The following CHD6 variants were observed in gnomAD, a reference collection of about 807,000 sequenced individuals.
The protein encoded by CHD6 is ATP-dependent chromatin remodeler CHD6.
CHD6 carries 50 observed loss-of-function variants against 276.9 expected under a neutral mutation model. The ratio of observed to expected loss-of-function variants is 0.18; its 90% CI spans 0.14 to 0.23. CHD6 has a LOEUF of 0.23. Among genes scored for constraint, CHD6 ranks in the 10% least tolerant of loss-of-function variants. The probability of loss-of-function intolerance (pLI) is 1.00; values close to 1 mark genes in which losing one functional copy is unlikely to be tolerated. For missense variants in CHD6, 2,564 were observed against 3,365.8 expected, an observed-to-expected ratio of 0.76 and a Z score of 5.89; for synonymous variants, 1,173 against 1,229.3, an observed-to-expected ratio of 0.95 and a Z score of 0.96.
chr20:41,403,426 A>G lies in CHD6; in HGVS notation c.*1167T>C, dbSNP rs957909580. 1.9e-6 allele frequency: 2 copies of G among 1,061,766 alleles called. No individual in the cohort carries two copies. Among genetic ancestry groups the G allele is most frequent in the Non-Finnish European group, 2.3e-6 (2 of 876,990 alleles). 65.8% of individuals were successfully genotyped at this position (1,061,766 alleles called of 1,614,324 possible). A position where few individuals can be genotyped will look rare whatever the true frequency, so the allele number is the denominator to read the frequency against. On this transcript the variant is annotated 3_prime_UTR_variant, in exon 37 of 37. Transcript: ENST00000373233. ...TTCCTAAACATGGAGAAGCTGAGGA[A>G]GAAGAGAAAATAATGTTGACTTGCA...
At chr20:41,591,517 T>G (rs1357854810) in intron 1 of CHD6, among the ~76,000 whole-genome samples, 1 of 150,546 alleles carries the variant, frequency 6.6e-6, no homozygotes. Context: ...ATGAAGAAAC[T>G]CCGTCTCTAC....
At chr20:41,611,274 A>G (rs1325725745) in intron 1 of CHD6, among the ~76,000 whole-genome samples, 1 of 152,240 alleles carries the variant, frequency 6.6e-6, no homozygotes, top group Admixed American at 6.5e-5. Flanking sequence ...CTTTGCTCCA[A>G]AAAGGGTAGA....
At chr20:41,525,521 C>T (rs1460875781) in intron 3 of CHD6, among the ~76,000 whole-genome samples, 1 of 152,194 alleles carries the variant, frequency 6.6e-6, no homozygotes, top group African/African-American at 2.4e-5. Context: ...CCAGTATGAT[C>T]CCACTGGACT....
At chr20:41,445,612 T>A in intron 25 of CHD6, 53 bp downstream of exon 25, 1 of 1,218,462 alleles carries the variant, frequency 8.2e-7, no homozygotes, top group South Asian at 1.2e-5. Context: ...GCTGAACTCA[T>A]CCTTCCTGGG....
rs762550689 is a variant in CHD6, at chr20:41,533,496, G to A, written c.108C>T (p.Ser36=). 2.5e-6 allele frequency: 4 copies of A among 1,613,864 alleles called. No homozygotes were observed. Among genetic ancestry groups the A allele is most frequent in the Non-Finnish European group, 3.4e-6 (4 of 1,179,952 alleles). ...CTTGATCAGTGCTGCAGTCAAATGG[G>A]GATGGAGATTTGTAGTCAAAATTGA... ...ASVNFDYKSP[S]PFDCSTDQEE... is the part of the protein sequence containing the mutation. Residue 36 remains serine, a synonymous_variant, in exon 3 of 37, where the codon TCC becomes TCT. Transcript: ENST00000373233.
rs1600771856 is a variant in CHD6 at position 41,403,646 on chromosome 20, C to A, written c.*947G>T. ...TGTTGGGCAACTGTCTTCTTGCAGG[C>A]TCCAGAAAGAACCTTATTCTTGGTG... On this transcript the variant is annotated 3_prime_UTR_variant, in exon 37 of 37. Transcript: ENST00000373233. 8 of 1,061,310 alleles carry A rather than the reference C, an allele frequency of 7.5e-6. No individual in the cohort carries two copies. Among genetic ancestry groups the A allele is most frequent in the Non-Finnish European group, 9.1e-6 (8 of 876,810 alleles). The allele number at this position is 1,061,310 out of a possible 1,614,324, so 65.7% of individuals were successfully genotyped here. A position where few individuals can be genotyped will look rare whatever the true frequency, so the allele number is the denominator to read the frequency against.
chr20:41,577,043 A>T (rs1466125547), intron 1 of CHD6, among the ~76,000 whole-genome samples: 1 of 152,220 alleles, frequency 6.6e-6, no homozygotes, highest in African/African-American at 2.4e-5. Flanking sequence ...AAACAGAATG[A>T]GGGACAGAAA....
Position 41,533,129 on chromosome 20 carries a change from CCCGGGGCTT to C in CHD6, c.466_474del (p.Lys156_Arg158del). On this transcript the variant is annotated inframe_deletion, in exon 3 of 37. Coordinates refer to ENST00000373233, the MANE Select transcript of CHD6 (RefSeq NM_032221.5). ...TTGGCCTCCTTGGTGCCCGAGGCCT[CCCGGGGCTT>C]CCGTGCCTTCTTTGCCCCATCTTTT... 1 of 1,614,198 alleles carries C rather than the reference CCCGGGGCTT, an allele frequency of 6.2e-7. No homozygotes were observed. The highest frequency in any genetic ancestry group is 8.5e-7 in the Non-Finnish European group (1 of 1,180,030).
intron 2 of CHD6, among the ~76,000 whole-genome samples, chr20:41,536,028 CT>C (rs1448422566): frequency 6.6e-6 from 1 of 151,830 alleles, no homozygotes; most frequent in African/African-American, 2.4e-5. Flanking sequence ...TTGTTGGGAG[CT>C]TTGAAAACAT....
At chr20:41,429,823 C>T (rs1174567490) in intron 27 of CHD6, among the ~76,000 whole-genome samples, 1 of 152,122 alleles carries the variant, frequency 6.6e-6, no homozygotes, top group African/African-American at 2.4e-5. Flanking sequence ...CATGAACTCC[C>T]CCCTGACAGC....
intron 1 of CHD6, among the ~76,000 whole-genome samples, chr20:41,561,138 C>A (rs1233207401): frequency 4.6e-5 from 7 of 152,094 alleles, no homozygotes; most frequent in Admixed American, 3.9e-4. Context: ...CAGCCATAGA[C>A]AAATATGCAA....
chr20:41,523,270 A>G (rs1343674744), intron 3 of CHD6, among the ~76,000 whole-genome samples: 2 of 152,186 alleles, frequency 1.3e-5, no homozygotes, highest in Non-Finnish European at 2.9e-5. Flanking sequence ...TAATACTCCC[A>G]CCAATTAATG....
chr20:41,578,211 G>A (rs1296691700), intron 1 of CHD6, among the ~76,000 whole-genome samples: 1 of 151,662 alleles, frequency 6.6e-6, no homozygotes, highest in Non-Finnish European at 1.5e-5. Context: ...GCAGAAACAC[G>A]ACTCTAGATC....
chr20:41,432,983 C>T (rs770444083), intron 27 of CHD6, among the ~76,000 whole-genome samples: 1 of 150,798 alleles, frequency 6.6e-6, no homozygotes, highest in Non-Finnish European at 1.5e-5. Context: ...AATGAAAACC[C>T]AAAACCCTCA....
chr20:41,602,416 T>G lies in CHD6; in HGVS notation c.-24+15924A>C, dbSNP rs138385153. 2.1e-3 allele frequency among the ~76,000 whole-genome samples: 325 copies of G among 152,298 alleles called. 3 individuals are homozygous for G. The highest frequency in any genetic ancestry group is 7.5e-3 in the African/African-American group (312 of 41,570). ...TTGACCACCAGAGCAGTTTTACCTG[T>G]GGGCTTACCCCAGCCTTCATCTCAC... On this transcript the variant is annotated intron_variant, in intron 1 of 36. Transcript: ENST00000373233.
chr20:41,497,410 C>A lies in CHD6; in HGVS notation c.1066G>T (p.Ala356Ser). Residue 356 changes from alanine (A) to serine (S), a missense_variant, in exon 8 of 37, where the codon GCC (alanine) becomes TCC (serine). This residue lies in a region of CHD6 where 457 missense variants were observed against 889.0 expected (regional missense o/e 0.51). Transcript: ENST00000373233. The stretch of plus-strand genomic sequence containing the variant: ...TCCGTAAAAATGTGCTTCATCTGGG[C>A]TTGTTTATTCCTAAATCGCTTGATC... The part of the protein sequence containing the change: ...QKIKRFRNKQ[A>S]QMKHIFTEPD... The A allele has an allele frequency of 6.2e-7, 1 of 1,613,400 alleles. No homozygotes were observed. Among genetic ancestry groups the A allele is most frequent in the Non-Finnish European group, 8.5e-7 (1 of 1,179,400 alleles).
In CHD6 at chr20:41,403,361, A is replaced by G; in HGVS notation, c.*1232T>C. 3.8e-6 allele frequency: 4 copies of G among 1,062,730 alleles called. No individual in the cohort carries two copies. The highest frequency in any genetic ancestry group is 4.6e-6 in the Non-Finnish European group (4 of 877,408). The allele number at this position is 1,062,730 out of a possible 1,614,324, so 65.8% of individuals were successfully genotyped here. ...GAAGGGACGTTAACATGAAGGTGAA[A>G]GGACATGGGGAAGTGCTGCTTAGGC... On this transcript the variant is annotated 3_prime_UTR_variant, in exon 37 of 37. Transcript: ENST00000373233.
intron 1 of CHD6, among the ~76,000 whole-genome samples, chr20:41,569,641 C>T (rs1241385365): frequency 6.6e-6 from 1 of 152,056 alleles, no homozygotes; most frequent in African/African-American, 2.4e-5. Flanking sequence ...CCATGTATCA[C>T]CTCCTGCATA....
intron 3 of CHD6, among the ~76,000 whole-genome samples, chr20:41,529,275 A>C (rs1449106562): frequency 6.6e-6 from 1 of 152,234 alleles, no homozygotes; most frequent in Non-Finnish European, 1.5e-5. Context: ...TATTCTTGGT[A>C]TATATACATA....
Sources: allele counts gnomAD v4.1 joint callset (sites outside exome capture counted in the v4.1 genomes callset), GRCh38; gene constraint gnomAD v4.1.1; regional missense constraint gnomAD v4.1.1; transcripts MANE v1.5; gene names NCBI Gene and HGNC (gene_info 2026-07-23, HGNC 2026-07-21).